Variants in SPTBN1 observed in about 807,000 individuals in gnomAD.
SPTBN1 encodes the protein spectrin beta chain, non-erythrocytic 1.
SPTBN1 carries 32 observed loss-of-function variants against 266.4 expected under a neutral mutation model. The observed-to-expected ratio is 0.12, with a 90% CI of 0.09 to 0.16. SPTBN1 has a LOEUF of 0.16. Ranked by LOEUF, SPTBN1 falls within the 10% of genes least tolerant of loss-of-function variation. The pLI, the probability that SPTBN1 is intolerant of heterozygous loss-of-function variation, is 1.00. For missense variants in SPTBN1, 2,296 were observed against 3,067.1 expected (o/e 0.75, Z 5.94); for synonymous variants, 1,336 against 1,162.2 (o/e 1.15, Z -3.04).
In SPTBN1 at chr2:54,629,987, G is replaced by A. The variant is rs764453056; in HGVS notation, c.2765G>A (p.Ser922Asn). The change falls in exon 15 of 36, where the codon AGT (serine) becomes AAT (asparagine). Residue 922 changes from serine to asparagine, a missense_variant. Transcript: ENST00000356805. ...CAGCTGATGCACAGCGGCCACCCAA[G>A]TGAGAAGGAAATCAAAGCCCAGCAG... ...ARQLMHSGHP[S>N]EKEIKAQQDK... The A allele has an allele frequency of 9.9e-6, 16 of 1,614,044 alleles. No homozygotes were observed. The East Asian group carries it at 2.0e-4, about 20-fold the overall frequency.
chr2:54,561,879 T>TAA (rs56934076), intron 2 of SPTBN1, among the ~76,000 whole-genome samples: 42,963 of 147,324 alleles, frequency 0.29, 7,683 homozygotes, highest in Admixed American at 0.37. Context: ...TAAGTGTGAT[T>TAA]AAAAAAAAAA....
intron 2 of SPTBN1, among the ~76,000 whole-genome samples, chr2:54,544,933 C>G (rs1335729310): frequency 6.6e-6 from 1 of 152,178 alleles, no homozygotes; most frequent in Non-Finnish European, 1.5e-5. Flanking sequence ...ACCAGCCCCC[C>G]ACTCCCCAGT....
chr2:54,487,170 C>CTTTTTTTTTTTTTTTT (rs34779689), intron 1 of SPTBN1, among the ~76,000 whole-genome samples: 2 of 98,586 alleles, frequency 2.0e-5, no homozygotes, highest in Admixed American at 1.1e-4. Context: ...ATTAGGATTT[C>CTTTTTTTTTTTTTTTT]TTTTTTTTTT....
chr2:54,601,419 C>T (rs894964364), intron 3 of SPTBN1, among the ~76,000 whole-genome samples: 2 of 152,178 alleles, frequency 1.3e-5, no homozygotes, highest in African/African-American at 4.8e-5. Context: ...CACACACTGC[C>T]TTTGGCCGTG....
chr2:54,476,302 A>G (rs1314457692), intron 1 of SPTBN1, among the ~76,000 whole-genome samples: 1 of 152,230 alleles, frequency 6.6e-6, no homozygotes, highest in East Asian at 1.9e-4. Context: ...CCTCCCATGT[A>G]GCCACAAAAA....
chr2:54,667,762 C>G (rs1464179134), intron 35 of SPTBN1, 116 bp downstream of exon 35: 1 of 917,126 alleles, frequency 1.1e-6, no homozygotes, highest in African/African-American at 1.7e-5. Flanking sequence ...TGGTTTCTAT[C>G]ACTGGGCTCC....
rs1679934720 is a variant in SPTBN1 at position 54,646,500 on chromosome 2, T to C, written c.4866+25T>C. 2.0e-6 allele frequency: 3 copies of C among 1,475,554 alleles called. No homozygotes were observed. Among genetic ancestry groups the C allele is most frequent in the Non-Finnish European group, 2.7e-6 (3 of 1,114,018 alleles). The allele number at this position is 1,475,554 out of a possible 1,614,324, so 91.4% of individuals were successfully genotyped here. ...GGTGAGAGGAGGCGGGAAGCATCCC[T>C]GTCCCAGGAGAGCCTCAGATTCAAA... On this transcript the variant is annotated intron_variant, in intron 23 of 35. Coordinates refer to ENST00000356805, the MANE Select transcript of SPTBN1 (RefSeq NM_003128.3). The surrounding 1 kb of genome is among the most constrained non-coding windows in gnomAD (Gnocchi z 4.4).
chr2:54,508,020 A>G (rs1004779532), intron 1 of SPTBN1, among the ~76,000 whole-genome samples: 3 of 152,198 alleles, frequency 2.0e-5, no homozygotes, highest in African/African-American at 7.2e-5. Context: ...GGACTTCATC[A>G]GGGTGAAAGT....
At chr2:54,487,827 T>G (rs1291528458) in intron 1 of SPTBN1, among the ~76,000 whole-genome samples, 1 of 75,102 alleles carries the variant, frequency 1.3e-5, no homozygotes, top group Non-Finnish European at 2.5e-5. Flanking sequence ...GGTCTCCTCC[T>G]GTGTCTTTTT....
chr2:54,483,532 G>C (rs1023436327), intron 1 of SPTBN1, among the ~76,000 whole-genome samples: 1 of 152,200 alleles, frequency 6.6e-6, no homozygotes. Flanking sequence ...CCGCAGTCTG[G>C]TCTGTACCAT....
intron 1 of SPTBN1, chr2:54,520,508 A>C (rs1230632682): frequency 6.6e-6 from 1 of 152,202 alleles, no homozygotes; most frequent in Non-Finnish European, 1.5e-5. Context: ...TTGAAGCAGA[A>C]AATAATAAAG....
At chr2:54,656,564 A>C (rs965449981) in intron 29 of SPTBN1, among the ~76,000 whole-genome samples, 2 of 152,236 alleles carry the variant, frequency 1.3e-5, no homozygotes, top group African/African-American at 4.8e-5. Context: ...TATTAGGAAT[A>C]GCATTTCATA....
intron 1 of SPTBN1, among the ~76,000 whole-genome samples, chr2:54,489,987 G>A (rs552835936): frequency 3.9e-5 from 6 of 152,248 alleles, no homozygotes; most frequent in African/African-American, 1.4e-4. Flanking sequence ...GAGAACCTCG[G>A]CATTAACCAT....
Position 54,631,469 on chromosome 2 carries a change from G to T in SPTBN1, c.3422G>T (p.Arg1141Leu), listed in dbSNP as rs756608024. The T allele has an allele frequency of 6.2e-7, 1 of 1,614,212 alleles. No individual in the cohort carries two copies. The highest frequency in any genetic ancestry group is 8.5e-7 in the Non-Finnish European group (1 of 1,180,028). The change falls in exon 16 of 36, where the codon CGG becomes CTG. Residue 1141 changes from arginine (R) to leucine (L), a missense_variant. Physicochemically the swap from Arg to Leu is moderately radical, Grantham distance 102. This residue lies in a region of SPTBN1 where 386 missense variants were observed against 486.1 expected (regional missense o/e 0.79). Transcript: ENST00000356805. ...ACCGATGCCCAGTACATGTTTCTGC[G>T]GCAGCGGCTGCAGGCCCTGGACACT... ...GQTDAQYMFL[R>L]QRLQALDTGW...
At chr2:54,482,357 G>GAAAA (rs66491029) in intron 1 of SPTBN1, among the ~76,000 whole-genome samples, 42 of 143,402 alleles carry the variant, frequency 2.9e-4, no homozygotes, top group African/African-American at 1.0e-3. Context: ...TCTACAGCAG[G>GAAAA]AAAAAAAAAA....
At chr2:54,579,500 G>A (rs1674726028) in intron 2 of SPTBN1, among the ~76,000 whole-genome samples, 1 of 152,276 alleles carries the variant, frequency 6.6e-6, no homozygotes, top group South Asian at 2.1e-4. Flanking sequence ...CTCTGTATTG[G>A]TAGCATTAGC....
chr2:54,647,027 C>A, intron 23 of SPTBN1, 104 bp from the exon 24 acceptor site: 1 of 1,555,780 alleles, frequency 6.4e-7, no homozygotes, highest in Non-Finnish European at 8.7e-7. Context: ...GTTTTTCTTT[C>A]TACTGATCCT....
intron 2 of SPTBN1, among the ~76,000 whole-genome samples, chr2:54,562,557 T>G (rs1673380724): frequency 6.6e-6 from 1 of 151,072 alleles, no homozygotes; most frequent in Non-Finnish European, 1.5e-5. Flanking sequence ...AGGCAAGGTC[T>G]GCTTCTGTTG....
intron 1 of SPTBN1, among the ~76,000 whole-genome samples, chr2:54,490,982 G>A (rs989729102): frequency 1.3e-5 from 2 of 152,202 alleles, no homozygotes; most frequent in African/African-American, 4.8e-5. Context: ...CAAAAGACAA[G>A]TGAGGAGGGT....
Sources: allele counts gnomAD v4.1 joint callset (sites outside exome capture counted in the v4.1 genomes callset), GRCh38; gene constraint gnomAD v4.1.1; regional missense constraint gnomAD v4.1.1; non-coding constraint Gnocchi (gnomAD v3.1); transcripts MANE v1.5; gene names NCBI Gene and HGNC (gene_info 2026-07-23, HGNC 2026-07-21).